HPSE2: variants seen among roughly 807,000 people sequenced by gnomAD.
HPSE2 encodes inactive heparanase-2.
HPSE2 carries 38 observed loss-of-function variants against 60.5 expected under a neutral mutation model. The ratio of observed to expected loss-of-function variants is 0.63; its 90% CI spans 0.48 to 0.82. HPSE2 has a LOEUF of 0.82. Among genes scored for constraint, HPSE2 ranks in the 40% least tolerant of loss-of-function variants. HPSE2 has a pLI of 0.00. For missense variants in HPSE2, 713 were observed against 740.4 expected (o/e 0.96, Z 0.43); for synonymous variants, 295 against 293.2 (o/e 1.01, Z -0.06).
chr10:98,472,000 T>A (rs1466518278), intron 11 of HPSE2, among the ~76,000 whole-genome samples: 1 of 152,128 alleles, frequency 6.6e-6, no homozygotes. Flanking sequence ...TATACTTATT[T>A]ATGTAGCTAA....
chr10:98,812,761 G>A (rs1951197417), intron 3 of HPSE2, among the ~76,000 whole-genome samples: 1 of 152,098 alleles, frequency 6.6e-6, no homozygotes, highest in African/African-American at 2.4e-5. Flanking sequence ...TTGATTTTAA[G>A]CAATATTGCT....
intron 5 of HPSE2, among the ~76,000 whole-genome samples, chr10:98,717,758 G>A (rs563297508): frequency 1.3e-5 from 2 of 152,118 alleles, no homozygotes; most frequent in Admixed American, 6.6e-5. Context: ...ATGAAAAAAC[G>A]TGAAATGTTG....
intron 3 of HPSE2, among the ~76,000 whole-genome samples, chr10:98,913,739 C>A (rs1270147762): frequency 2.0e-5 from 3 of 151,996 alleles, no homozygotes; most frequent in African/African-American, 7.3e-5. Context: ...TGAATTAGAG[C>A]AATAAAATGA....
At chr10:98,600,265 C>T (rs74971285) in intron 9 of HPSE2, among the ~76,000 whole-genome samples, 2,927 of 152,170 alleles carry the variant, frequency 0.019, 51 homozygotes, top group Non-Finnish European at 0.027. Context: ...ATACTACATG[C>T]ATAAAAGGAT....
chr10:98,989,907 T>C (rs1354622779), intron 3 of HPSE2, among the ~76,000 whole-genome samples: 1 of 152,184 alleles, frequency 6.6e-6, no homozygotes, highest in Admixed American at 6.5e-5. Flanking sequence ...TCACTGAATT[T>C]TTCCTCCTTT....
chr10:99,262,972 G>C, the HPSE2 span, among the ~76,000 whole-genome samples: 1 of 152,014 alleles, frequency 6.6e-6, no homozygotes, highest in Admixed American at 6.6e-5. Context: ...GCCGAAGTGT[G>C]GGGCTGTGTG....
At chr10:98,971,723 T>C (rs1482981142) in intron 3 of HPSE2, among the ~76,000 whole-genome samples, 3 of 152,090 alleles carry the variant, frequency 2.0e-5, no homozygotes, top group African/African-American at 7.2e-5. Flanking sequence ...TTGTCACAAC[T>C]CCCCACCACA....
At chr10:98,685,981 G>T (rs2134149079) in intron 6 of HPSE2, among the ~76,000 whole-genome samples, 1 of 152,184 alleles carries the variant, frequency 6.6e-6, no homozygotes, top group Admixed American at 6.5e-5. Context: ...TAATGTCTGT[G>T]CAATCTGTAG....
intron 3 of HPSE2, among the ~76,000 whole-genome samples, chr10:99,024,143 G>A (rs1464475578): frequency 2.0e-5 from 3 of 152,182 alleles, no homozygotes; most frequent in Non-Finnish European, 4.4e-5. Context: ...TTAACAAAGA[G>A]ATTGAAATAA....
At chr10:98,994,710 G>A (rs1209843665) in intron 3 of HPSE2, among the ~76,000 whole-genome samples, 3 of 152,130 alleles carry the variant, frequency 2.0e-5, no homozygotes, top group African/African-American at 7.2e-5. Context: ...GACCAGAGAC[G>A]GTGGGTTCCC....
chr10:98,994,165 T>A (rs1267427923), intron 3 of HPSE2, among the ~76,000 whole-genome samples: 1 of 152,168 alleles, frequency 6.6e-6, no homozygotes, highest in Non-Finnish European at 1.5e-5. Flanking sequence ...AATCCCAGTG[T>A]TAAACTCTGG....
At chr10:98,486,348 G>A (rs1941440958) in intron 10 of HPSE2, among the ~76,000 whole-genome samples, 1 of 152,152 alleles carries the variant, frequency 6.6e-6, no homozygotes, top group Non-Finnish European at 1.5e-5. Flanking sequence ...AAGTCCAGGT[G>A]GCTTTTGGTT....
the HPSE2 span, among the ~76,000 whole-genome samples, chr10:99,269,533 C>T: frequency 6.6e-6 from 1 of 152,160 alleles, no homozygotes; most frequent in East Asian, 1.9e-4. Flanking sequence ...CCACTAACAG[C>T]ACTAGACAGG....
chr10:98,888,135 AACAC>A (rs3043548), intron 3 of HPSE2, among the ~76,000 whole-genome samples: 7,523 of 140,588 alleles, frequency 0.054, 509 homozygotes, highest in African/African-American at 0.16. Flanking sequence ...TTTTAAAACA[AACAC>A]ACACACACAC....
intron 3 of HPSE2, among the ~76,000 whole-genome samples, chr10:98,999,156 C>CGTGTGT (rs55879808): frequency 0.047 from 6,426 of 137,604 alleles, 184 homozygotes; most frequent in African/African-American, 0.082. Flanking sequence ...GTATAGACTA[C>CGTGTGT]GTGTGTGTGT....
At chr10:98,589,204 A>G (rs1330880914) in intron 9 of HPSE2, among the ~76,000 whole-genome samples, 1 of 152,206 alleles carries the variant, frequency 6.6e-6, no homozygotes, top group East Asian at 1.9e-4. Flanking sequence ...GCACAATCCC[A>G]TGCATTGTAT....
chr10:98,716,934 A>G (rs1391615094), intron 5 of HPSE2, among the ~76,000 whole-genome samples: 1 of 152,074 alleles, frequency 6.6e-6, no homozygotes, highest in Non-Finnish European at 1.5e-5. Context: ...GAGCAGATTT[A>G]ACATAATTCA....
At chr10:99,010,391 G>A (rs1419575963) in intron 3 of HPSE2, among the ~76,000 whole-genome samples, 1 of 152,136 alleles carries the variant, frequency 6.6e-6, no homozygotes, top group African/African-American at 2.4e-5. Flanking sequence ...CTGAGCTTGG[G>A]AAAAAGCAGG....
At chr10:98,890,269 A>G (rs556508860) in intron 3 of HPSE2, among the ~76,000 whole-genome samples, 90 of 152,294 alleles carry the variant, frequency 5.9e-4, no homozygotes, top group Admixed American at 1.9e-3. Flanking sequence ...AAGGTACTTG[A>G]TAATTTGTGG....
Sources: gnomAD v4.1 joint callset for allele counts (sites outside exome capture counted in the v4.1 genomes callset) on GRCh38, gnomAD v4.1.1 for gene constraint, MANE v1.5 for transcripts, NCBI Gene and HGNC (gene_info 2026-07-23, HGNC 2026-07-21) for gene names.